Variants in GRIA2 observed in about 807,000 individuals in gnomAD.
GRIA2 encodes glutamate receptor 2.
GRIA2 carries 14 observed loss-of-function variants against 97.3 expected under a neutral mutation model. That is an observed-to-expected ratio of 0.14 (90% confidence interval 0.10 to 0.23). The LOEUF (loss-of-function observed/expected upper bound fraction) is 0.23, where lower values mean the gene tolerates loss of function less well. Among genes scored for constraint, GRIA2 ranks in the 10% least tolerant of loss-of-function variants. The probability of loss-of-function intolerance (pLI) is 1.00; values close to 1 mark genes in which losing one functional copy is unlikely to be tolerated. For missense variants in GRIA2, 558 were observed against 1,069.8 expected (o/e 0.52, Z 6.67); for synonymous variants, 412 against 387.8 (o/e 1.06, Z -0.73).
chr4:157,320,378 A>G (rs1309454501), intron 5 of GRIA2, among the ~76,000 whole-genome samples: 3 of 152,134 alleles, frequency 2.0e-5, no homozygotes, highest in African/African-American at 7.2e-5. Context: ...AGAGCAGTAA[A>G]AGTGTCATGC....
intron 7 of GRIA2, 117 bp from the exon 8 acceptor site, chr4:157,333,132 G>A (rs1444767043): frequency 3.3e-6 from 3 of 899,716 alleles, no homozygotes; most frequent in Non-Finnish European, 5.1e-6. Context: ...GTTGAAGAGA[G>A]AAACAAATAT....
rs1186576377 is a variant in GRIA2 at position 157,221,633 on chromosome 4, C to T, written c.89-34C>T. On this transcript the variant is annotated intron_variant, in intron 1 of 15. Transcript: ENST00000264426. The stretch of plus-strand genomic sequence containing the variant: ...CCTCCTTTCCCTCCCGGGGCACTGA[C>T]ACTGTTCTCTTGCTTGCTGTTTGTT... The T allele has an allele frequency of 1.9e-6, 3 of 1,609,984 alleles. No individual in the cohort carries two copies. In the African/African-American group the frequency reaches 4.0e-5, roughly 21 times the overall value.
At chr4:157,249,259 G>C (rs1730919293) in intron 2 of GRIA2, among the ~76,000 whole-genome samples, 1 of 152,110 alleles carries the variant, frequency 6.6e-6, no homozygotes, top group Admixed American at 6.6e-5. Flanking sequence ...AAGTCCCTGT[G>C]TACTTCATAA....
In GRIA2 at chr4:157,341,423, T is replaced by C. The variant is rs1180566271; in HGVS notation, c.2004T>C (p.Tyr668=). 3.7e-6 allele frequency: 6 copies of C among 1,612,416 alleles called. No homozygotes were observed. Among genetic ancestry groups the C allele is most frequent in the Non-Finnish European group, 5.1e-6 (6 of 1,178,582 alleles). ...EDLSKQTEIA[Y]GTLDSGSTKE... ...TTTCTAAGCAAACAGAAATTGCTTA[T>C]GGAACATTAGACTCTGGCTCCACTA... The change falls in exon 12 of 16, where the codon TAT becomes TAC. Residue 668 remains tyrosine, a synonymous_variant. Transcript: ENST00000264426.
At chr4:157,258,750 G>T (rs569497771) in intron 2 of GRIA2, among the ~76,000 whole-genome samples, 1 of 151,802 alleles carries the variant, frequency 6.6e-6, no homozygotes, top group Non-Finnish European at 1.5e-5. Flanking sequence ...ATGTCTCCCC[G>T]AACACCCAGC....
At chr4:157,269,893 C>A (rs1042718804) in intron 2 of GRIA2, among the ~76,000 whole-genome samples, 1 of 151,812 alleles carries the variant, frequency 6.6e-6, no homozygotes, top group African/African-American at 2.4e-5. Context: ...TACTTTTGAG[C>A]TTTCTTTTAT....
chr4:157,338,366 C>T (rs532553840), intron 11 of GRIA2, among the ~76,000 whole-genome samples: 1 of 151,850 alleles, frequency 6.6e-6, no homozygotes, highest in South Asian at 2.1e-4. Context: ...ATGTGTCAGC[C>T]CAGTCTGGCC....
Position 157,301,393 on chromosome 4 carries a change from G to A in GRIA2, c.230-2159G>A, listed in dbSNP as rs531838585. On this transcript the variant is annotated intron_variant, in intron 2 of 15. Coordinates refer to ENST00000264426, the MANE Select transcript of GRIA2 (RefSeq NM_001083619.3). ...AATAAAAGACAGTTATTTCATCTTTGCCTTATGTTAAGGTGTGAAATAAAT... is the reference window on the plus strand; with the variant it reads ...AATAAAAGACAGTTATTTCATCTTTACCTTATGTTAAGGTGTGAAATAAAT... Among the ~76,000 whole-genome samples the A allele has an allele frequency of 5.3e-5, 8 of 152,272 alleles. 1 individual carries two copies. Among genetic ancestry groups the A allele is most frequent in the Admixed American group, 5.2e-4 (8 of 15,294 alleles).
chr4:157,317,029 G>A (rs912061296), intron 4 of GRIA2, among the ~76,000 whole-genome samples: 3 of 152,104 alleles, frequency 2.0e-5, no homozygotes, highest in African/African-American at 4.8e-5. Flanking sequence ...TTGGGTTTGT[G>A]GAGAAAAATT....
intron 6 of GRIA2, among the ~76,000 whole-genome samples, chr4:157,331,058 A>G (rs1410163823): frequency 6.6e-6 from 1 of 152,028 alleles, no homozygotes; most frequent in Non-Finnish European, 1.5e-5. Flanking sequence ...ACATAAGCAA[A>G]AAGGAACTCT....
rs1162343062 is a variant in GRIA2 at position 157,355,923 on chromosome 4, T to G, written c.2044-3973T>G. 4.9e-4 allele frequency among the ~76,000 whole-genome samples: 33 copies of G among 67,092 alleles called. 1 individual carries two copies. The highest frequency in any genetic ancestry group is 2.0e-3 in the African/African-American group (30 of 14,916). 44.0% of individuals were successfully genotyped at this position (67,092 alleles called of 152,430 possible). A position where few individuals can be genotyped will look rare whatever the true frequency, so the allele number is the denominator to read the frequency against. Reference sequence around the variant, plus strand: ...TATAAATATATATATATTAATATATTTATATATATTTATATATTAATATAT... The same window carrying G: ...TATAAATATATATATATTAATATATGTATATATATTTATATATTAATATAT... On this transcript the variant is annotated intron_variant, in intron 12 of 15. Transcript: ENST00000264426.
At chr4:157,303,947 G>A (rs1286640602) in intron 3 of GRIA2, among the ~76,000 whole-genome samples, 156 bp downstream of exon 3, 1 of 152,170 alleles carries the variant, frequency 6.6e-6, no homozygotes, top group East Asian at 1.9e-4. Flanking sequence ...TTAAAACCTG[G>A]GAAACATATT....
At chr4:157,322,921 A>G (rs980296949) in intron 6 of GRIA2, among the ~76,000 whole-genome samples, 1 of 152,182 alleles carries the variant, frequency 6.6e-6, no homozygotes, top group Non-Finnish European at 1.5e-5. Flanking sequence ...TGGATTTATA[A>G]ATGGATCTTT....
chr4:157,359,856 C>T (rs772058936), intron 12 of GRIA2, 40 bp from the exon 13 acceptor site: 40 of 1,576,796 alleles, frequency 2.5e-5, no homozygotes, highest in Non-Finnish European at 3.5e-5. Context: ...TTTTTTAGGG[C>T]CATCTCTTAA....
intron 4 of GRIA2, among the ~76,000 whole-genome samples, chr4:157,314,918 C>T (rs892617463): frequency 2.6e-5 from 4 of 152,090 alleles, no homozygotes; most frequent in African/African-American, 9.7e-5. Context: ...TGTCTGCATC[C>T]CATGAACTCA....
chr4:157,223,492 G>A (rs961596263), intron 2 of GRIA2, among the ~76,000 whole-genome samples: 3 of 152,134 alleles, frequency 2.0e-5, no homozygotes, highest in African/African-American at 7.2e-5. Context: ...GACATACAAA[G>A]AAATCAACTT....
chr4:157,325,901 T>G (rs1011322668), intron 6 of GRIA2, among the ~76,000 whole-genome samples: 1 of 152,178 alleles, frequency 6.6e-6, no homozygotes, highest in Non-Finnish European at 1.5e-5. Flanking sequence ...CCCTGTTATC[T>G]TCCATCCTTG....
intron 2 of GRIA2, among the ~76,000 whole-genome samples, chr4:157,279,804 G>C (rs1732512395): frequency 6.6e-6 from 1 of 152,038 alleles, no homozygotes; most frequent in Non-Finnish European, 1.5e-5. Flanking sequence ...TTTGTTTCTT[G>C]TTGGAATAAT....
rs1201584662 is a variant in GRIA2, at chr4:157,336,502, A to G, written c.1599A>G (p.Pro533=). 6.2e-7 allele frequency: 1 copy of G among 1,613,458 alleles called. No homozygotes were observed. The highest frequency in any genetic ancestry group is 1.7e-5 in the Admixed American group (1 of 59,974). ...TCAAGAAGCCTCAGAAGTCCAAACC[A>G]GGAGTGTTTTCCTTTCTTGATCCTT... ...IMIKKPQKSK[P]GVFSFLDPLA... Residue 533 remains proline, a synonymous_variant, in exon 11 of 16, where the codon CCA becomes CCG. Coordinates refer to ENST00000264426, the MANE Select transcript of GRIA2 (RefSeq NM_001083619.3).
Sources: allele counts gnomAD v4.1 joint callset (sites outside exome capture counted in the v4.1 genomes callset), GRCh38; gene constraint gnomAD v4.1.1; transcripts MANE v1.5; gene names NCBI Gene and HGNC (gene_info 2026-07-23, HGNC 2026-07-21).